The following VPS13B variants were observed in gnomAD, a reference collection of about 807,000 sequenced individuals.
The protein encoded by VPS13B is vacuolar protein sorting 13 homolog B, also known as intermembrane lipid transfer protein VPS13B.
VPS13B carries 285 observed loss-of-function variants against 426.4 expected under a neutral mutation model. That is an observed-to-expected ratio of 0.67 (90% confidence interval 0.61 to 0.74). The LOEUF (loss-of-function observed/expected upper bound fraction) is 0.74. Ranked by LOEUF, VPS13B falls within the 30% of genes least tolerant of loss-of-function variation. The pLI is 0.00. For synonymous variants in VPS13B, 1,676 were observed against 1,676.4 expected (o/e 1.00, Z 0.01); for missense variants, 4,537 against 4,782.6 (o/e 0.95, Z 1.51).
At chr8:99,766,689 T>G in intron 39 of VPS13B, 85 bp from the exon 40 acceptor site, 1 of 1,220,382 alleles carries the variant, frequency 8.2e-7, no homozygotes, top group Non-Finnish European at 1.1e-6. Context: ...TGTTATAATT[T>G]TTATAAAGGT....
chr8:99,855,826 C>T (rs1816517978), intron 56 of VPS13B, among the ~76,000 whole-genome samples: 1 of 152,216 alleles, frequency 6.6e-6, no homozygotes, highest in African/African-American at 2.4e-5. Flanking sequence ...TGATAGCTTG[C>T]ACAACAATGA....
chr8:99,818,764 A>G lies in VPS13B; in HGVS notation c.8497A>G (p.Ile2833Val), dbSNP rs797046096. The change falls in exon 47 of 62, where the codon ATC becomes GTC. Residue 2833 changes from isoleucine to valine, a missense_variant. Coordinates refer to ENST00000357162, the MANE Select transcript of VPS13B (RefSeq NM_152564.5). ...GAGGAGTCATCTTCCAGACCCCATT[A>G]TCATACATTTGGAGAAAAGGAGTCT... ...IMRSHLPDPI[I>V]IHLEKRSLGL... 12 of 1,613,906 alleles carry G rather than the reference A, an allele frequency of 7.4e-6. No individual in the cohort carries two copies. The highest frequency in any genetic ancestry group is 2.2e-5 in the East Asian group (1 of 44,878).
chr8:99,106,907 C>T (rs907222471), intron 5 of VPS13B, among the ~76,000 whole-genome samples: 1 of 152,132 alleles, frequency 6.6e-6, no homozygotes, highest in Non-Finnish European at 1.5e-5. Flanking sequence ...GTGAATAAAA[C>T]ATTTTTTTGC....
chr8:99,033,337 G>T (rs1487688870), intron 2 of VPS13B, among the ~76,000 whole-genome samples: 1 of 152,106 alleles, frequency 6.6e-6, no homozygotes, highest in Non-Finnish European at 1.5e-5. Context: ...AAGTTTCCTT[G>T]TACCTGAAAA....
chr8:99,285,606 A>T (rs934478282), intron 19 of VPS13B, among the ~76,000 whole-genome samples: 2 of 152,176 alleles, frequency 1.3e-5, no homozygotes, highest in Non-Finnish European at 2.9e-5. Context: ...AGAAAATAAT[A>T]TACATTTTCT....
intron 32 of VPS13B, among the ~76,000 whole-genome samples, 196 bp from the exon 33 acceptor site, chr8:99,577,294 C>A (rs773780485): frequency 1.8e-4 from 27 of 152,196 alleles, no homozygotes; most frequent in Middle Eastern, 3.4e-3. Context: ...ACACAGCAGG[C>A]CCTCATAAAT....
chr8:99,449,871 G>A (rs1159256499), intron 23 of VPS13B, among the ~76,000 whole-genome samples: 1 of 151,770 alleles, frequency 6.6e-6, no homozygotes, highest in Non-Finnish European at 1.5e-5. Flanking sequence ...GAAGTGGCAC[G>A]CTCACTAACT....
intron 54 of VPS13B, among the ~76,000 whole-genome samples, 175 bp downstream of exon 54, chr8:99,835,913 G>C (rs1324328988): frequency 1.3e-5 from 2 of 152,276 alleles, no homozygotes; most frequent in South Asian, 2.1e-4. Flanking sequence ...TCAAACTCAA[G>C]TATGTATCTG....
intron 39 of VPS13B, among the ~76,000 whole-genome samples, chr8:99,741,805 T>C (rs1304404038): frequency 6.6e-6 from 1 of 152,100 alleles, no homozygotes; most frequent in Non-Finnish European, 1.5e-5. Context: ...TACCAGAATC[T>C]CTGGGACACA....
intron 30 of VPS13B, among the ~76,000 whole-genome samples, chr8:99,542,996 A>G (rs1196692242): frequency 1.3e-5 from 2 of 152,210 alleles, no homozygotes; most frequent in Non-Finnish European, 2.9e-5. Flanking sequence ...AAGAGCCCGC[A>G]TTGCCAAGTC....
At chr8:99,469,476 G>A (rs934890067) in intron 24 of VPS13B, among the ~76,000 whole-genome samples, 5 of 151,768 alleles carry the variant, frequency 3.3e-5, no homozygotes, top group African/African-American at 1.2e-4. Context: ...ATGCCATAAG[G>A]TCATTTATTT....
At chr8:99,196,186 A>G (rs1320363169) in intron 17 of VPS13B, among the ~76,000 whole-genome samples, 2 of 151,958 alleles carry the variant, frequency 1.3e-5, no homozygotes, top group Non-Finnish European at 2.9e-5. Context: ...TTAGCACAGA[A>G]CATCTTTCCA....
chr8:99,013,758 A>G lies in VPS13B; in HGVS notation c.-29-2A>G. 1.2e-6 allele frequency: 2 copies of G among 1,613,830 alleles called. No homozygotes were observed. The highest frequency in any genetic ancestry group is 1.7e-6 in the Non-Finnish European group (2 of 1,179,862). Reference sequence around the variant, plus strand: ...TCTAACGTTTCTGTCTACTCCTTTCAGCTTCCGACTTCGACTCCTTACCTT... The same window carrying G: ...TCTAACGTTTCTGTCTACTCCTTTCGGCTTCCGACTTCGACTCCTTACCTT... On this transcript the variant is annotated splice_acceptor_variant, in intron 1 of 61. Transcript: ENST00000357162. LOFTEE classifies it low-confidence loss of function (5UTR_SPLICE).
intron 22 of VPS13B, among the ~76,000 whole-genome samples, chr8:99,436,825 G>T (rs1028167545): frequency 6.7e-6 from 1 of 150,342 alleles, no homozygotes; most frequent in Admixed American, 6.6e-5. Flanking sequence ...TGCAAGCTCC[G>T]CCTCCCAGGT....
chr8:99,604,592 C>G (rs887313174), intron 33 of VPS13B, among the ~76,000 whole-genome samples: 8 of 151,436 alleles, frequency 5.3e-5, no homozygotes, highest in African/African-American at 1.9e-4. Flanking sequence ...CTCCGCCTCC[C>G]GGGTTCACGC....
intron 19 of VPS13B, among the ~76,000 whole-genome samples, chr8:99,315,429 T>C (rs560117226): frequency 6.6e-6 from 1 of 152,162 alleles, no homozygotes; most frequent in South Asian, 2.1e-4. Flanking sequence ...TATTATTGAC[T>C]CTTTCAAGTA....
intron 43 of VPS13B, among the ~76,000 whole-genome samples, chr8:99,802,851 T>A (rs1234035811): frequency 4.6e-5 from 7 of 152,210 alleles, no homozygotes; most frequent in African/African-American, 1.7e-4. Context: ...AGATCTTTTA[T>A]CTTTCCCTTC....
At chr8:99,770,877 G>T (rs763913598) in intron 40 of VPS13B, among the ~76,000 whole-genome samples, 5 of 152,234 alleles carry the variant, frequency 3.3e-5, no homozygotes, top group South Asian at 2.1e-4. Flanking sequence ...TCCAGCAAGT[G>T]CACACTCTTA....
intron 30 of VPS13B, among the ~76,000 whole-genome samples, chr8:99,526,205 TG>T (rs1288733923): frequency 3.3e-5 from 5 of 152,082 alleles, no homozygotes. Flanking sequence ...TAAGAACAAA[TG>T]GAAGTGTGAC....
Sources: gnomAD v4.1 joint callset for allele counts (sites outside exome capture counted in the v4.1 genomes callset) on GRCh38, gnomAD v4.1.1 for gene constraint, MANE v1.5 for transcripts, NCBI Gene and HGNC (gene_info 2026-07-23, HGNC 2026-07-21) for gene names.